RNGTT: variants seen among roughly 807,000 people sequenced by gnomAD.
The protein encoded by RNGTT is mRNA-capping enzyme.
In RNGTT, 33 loss-of-function variants were observed where a neutral mutation model predicts 79.3. The ratio of observed to expected loss-of-function variants is 0.42; its 90% CI spans 0.32 to 0.56. The LOEUF (loss-of-function observed/expected upper bound fraction) is 0.56. Ranked by LOEUF, RNGTT falls within the 20% of genes least tolerant of loss-of-function variation. The probability of loss-of-function intolerance (pLI) is 0.17; values close to 1 mark genes in which losing one functional copy is unlikely to be tolerated. For synonymous variants in RNGTT, 222 were observed against 235.9 expected (o/e 0.94, Z 0.54); for missense variants, 497 against 739.1 (o/e 0.67, Z 3.80).
intron 13 of RNGTT, among the ~76,000 whole-genome samples, chr6:88,751,411 C>T (rs193212265): frequency 6.6e-6 from 1 of 152,030 alleles, no homozygotes; most frequent in Non-Finnish European, 1.5e-5. Flanking sequence ...ACTCATGTAA[C>T]TGCATAGTGG....
chr6:88,960,187 C>T (rs1785570597), intron 1 of RNGTT, among the ~76,000 whole-genome samples: 1 of 152,208 alleles, frequency 6.6e-6, no homozygotes, highest in Non-Finnish European at 1.5e-5. Flanking sequence ...TGAGACTCTG[C>T]TTTTTAAGGG....
intron 6 of RNGTT, among the ~76,000 whole-genome samples, chr6:88,894,127 TA>T (rs1373327702): frequency 1.3e-5 from 2 of 152,102 alleles, no homozygotes; most frequent in African/African-American, 4.8e-5. Context: ...GGGGAGAAAA[TA>T]AAATCTTTTA....
At chr6:88,955,906 G>A (rs558421347) in intron 1 of RNGTT, among the ~76,000 whole-genome samples, 2 of 151,828 alleles carry the variant, frequency 1.3e-5, no homozygotes, top group Non-Finnish European at 2.9e-5. Flanking sequence ...CGGGTGTGGT[G>A]GCGGGCCACC....
intron 2 of RNGTT, among the ~76,000 whole-genome samples, chr6:88,929,910 A>ATATACACACG (rs199904596): frequency 6.8e-6 from 1 of 146,568 alleles, no homozygotes; most frequent in Non-Finnish European, 1.5e-5. Flanking sequence ...ATACATATGC[A>ATATACACACG]TATATACACG....
chr6:88,796,859 C>G (rs570082809), intron 12 of RNGTT, among the ~76,000 whole-genome samples: 16 of 152,048 alleles, frequency 1.1e-4, no homozygotes, highest in African/African-American at 3.6e-4. Context: ...TTATAACTTA[C>G]GAGATAAAGT....
intron 11 of RNGTT, among the ~76,000 whole-genome samples, chr6:88,808,085 T>C (rs181851358): frequency 2.0e-5 from 3 of 152,264 alleles, no homozygotes; most frequent in Admixed American, 2.0e-4. Flanking sequence ...AGGAATATGA[T>C]ACAAGAATAA....
intron 14 of RNGTT, 143 bp downstream of exon 14, chr6:88,678,210 T>A (rs1774952217): frequency 7.6e-7 from 1 of 1,310,168 alleles, no homozygotes; most frequent in Non-Finnish European, 9.8e-7. Context: ...CTCAACCTCC[T>A]GGGCTCAAGT....
At chr6:88,950,919 C>A (rs905769592) in intron 1 of RNGTT, among the ~76,000 whole-genome samples, 1 of 150,310 alleles carries the variant, frequency 6.7e-6, no homozygotes, top group Non-Finnish European at 1.5e-5. Flanking sequence ...AATACAGTGG[C>A]GCGACCTTGG....
At chr6:88,749,368 A>G (rs1582414089) in intron 13 of RNGTT, among the ~76,000 whole-genome samples, 2 of 152,270 alleles carry the variant, frequency 1.3e-5, no homozygotes, top group Admixed American at 1.3e-4. Flanking sequence ...AAAAGTATAA[A>G]TGTTAACTTT....
intron 2 of RNGTT, among the ~76,000 whole-genome samples, chr6:88,930,098 ATATACATATACGTG>A (rs1427801169): frequency 3.5e-5 from 5 of 144,592 alleles, no homozygotes; most frequent in Non-Finnish European, 6.0e-5. Flanking sequence ...ACATATACGT[ATATACATATACGTG>A]TATACATATA....
intron 4 of RNGTT, among the ~76,000 whole-genome samples, chr6:88,927,319 G>A (rs1054747053): frequency 6.6e-6 from 1 of 151,936 alleles, no homozygotes; most frequent in Non-Finnish European, 1.5e-5. Flanking sequence ...CCGAGGCCAG[G>A]AGTCCAAGAC....
intron 13 of RNGTT, among the ~76,000 whole-genome samples, chr6:88,686,665 A>G (rs1484394662): frequency 2.0e-5 from 3 of 152,160 alleles, no homozygotes; most frequent in Non-Finnish European, 4.4e-5. Context: ...TGCAGAGCAG[A>G]AGTGAAAGGA....
chr6:88,955,548 C>CAAA (rs574649990), intron 1 of RNGTT, among the ~76,000 whole-genome samples: 10 of 55,738 alleles, frequency 1.8e-4, no homozygotes, highest in African/African-American at 5.9e-4. Context: ...AGACTCATCT[C>CAAA]AAAAAAAAAA....
chr6:88,678,430 A>G lies in RNGTT; in HGVS notation c.1440-11T>C. ...TTCTGAGGAAGTAACCTACAAAGAAAAAAAAGCATTATTTATAAAATACTC... is the reference window on the plus strand; with the variant it reads ...TTCTGAGGAAGTAACCTACAAAGAAGAAAAAGCATTATTTATAAAATACTC... On this transcript the variant is annotated splice_polypyrimidine_tract_variant and intron_variant, in intron 13 of 15. Coordinates refer to ENST00000369485, the MANE Select transcript of RNGTT (RefSeq NM_003800.5). 1 of 1,395,510 alleles carries G rather than the reference A, an allele frequency of 7.2e-7. No individual in the cohort carries two copies. Among genetic ancestry groups the G allele is most frequent in the Non-Finnish European group, 9.4e-7 (1 of 1,064,726 alleles). 86.4% of individuals were successfully genotyped at this position (1,395,510 alleles called of 1,614,324 possible). A position where few individuals can be genotyped will look rare whatever the true frequency, so the allele number is the denominator to read the frequency against.
At chr6:88,678,993 ACCTCTTCTG>A in intron 13 of RNGTT, among the ~76,000 whole-genome samples, 1 of 151,526 alleles carries the variant, frequency 6.6e-6, no homozygotes, top group African/African-American at 2.4e-5. Flanking sequence ...CACCTCTTCC[ACCTCTTCTG>A]CCTCTGCCAC....
chr6:88,808,388 AT>A (rs981799446), intron 11 of RNGTT, among the ~76,000 whole-genome samples: 12 of 152,328 alleles, frequency 7.9e-5, no homozygotes, highest in African/African-American at 2.6e-4. Flanking sequence ...TATATATCTA[AT>A]AGGCCCAAAA....
At chr6:88,761,123 T>C (rs577842958) in intron 13 of RNGTT, among the ~76,000 whole-genome samples, 2 of 151,990 alleles carry the variant, frequency 1.3e-5, no homozygotes, top group African/African-American at 2.4e-5. Flanking sequence ...GTCAATTCTA[T>C]ATATTCCATT....
intron 13 of RNGTT, among the ~76,000 whole-genome samples, chr6:88,769,159 G>A (rs976918896): frequency 2.0e-5 from 3 of 151,384 alleles, no homozygotes; most frequent in Non-Finnish European, 2.9e-5. Context: ...CTTTTCTTTG[G>A]GGGGAGGTGT....
At chr6:88,937,872 C>T (rs1054456788) in intron 2 of RNGTT, among the ~76,000 whole-genome samples, 7 of 152,116 alleles carry the variant, frequency 4.6e-5, no homozygotes, top group African/African-American at 1.7e-4. Context: ...TGACTTCTAG[C>T]TTTTCTACCA....
Sources: allele counts gnomAD v4.1 joint callset (sites outside exome capture counted in the v4.1 genomes callset), GRCh38; gene constraint gnomAD v4.1.1; transcripts MANE v1.5; gene names NCBI Gene and HGNC (gene_info 2026-07-23, HGNC 2026-07-21).